Variants in TUG1 observed in about 807,000 individuals in gnomAD.
The protein encoded by TUG1 is taurine up-regulated 1.
At chr22:30,970,015 A>C (rs1454679749) in exon 1 of TUG1, 2 of 152,166 alleles carry the variant, frequency 1.3e-5, no homozygotes, top group East Asian at 3.9e-4. Flanking sequence ...TAAACTATAA[A>C]GCGTGGGTGT....
chr22:30,976,817 GTC>G lies in TUG1; in HGVS notation c.*4350_*4351del, dbSNP rs1455870306. The stretch of plus-strand genomic sequence containing the variant: ...TTGGAAATAGTTTGTTTATATCCTT[GTC>G]TCTCTCTAGGCCAATTGTGATTACA... On this transcript the variant is annotated 3_prime_UTR_variant, in exon 3 of 3. Coordinates refer to ENST00000644773, the Ensembl canonical transcript of TUG1. The G allele has an allele frequency of 2.0e-5, 3 of 152,158 alleles. No individual in the cohort carries two copies. In the East Asian group the frequency reaches 5.8e-4, roughly 29 times the overall value. The allele number at this position is 152,158 out of a possible 1,614,324, so 9.4% of individuals were successfully genotyped here.
At chr22:30,973,412 C>T (rs2041252833) in exon 2 of TUG1, 2 of 152,232 alleles carry the variant, frequency 1.3e-5, no homozygotes, top group Non-Finnish European at 1.5e-5. Flanking sequence ...CATATTCTGA[C>T]CCATTGGGAT....
exon 3 of TUG1, chr22:30,978,316 CTT>C (rs1167386905): frequency 2.6e-5 from 4 of 152,148 alleles, no homozygotes; most frequent in Non-Finnish European, 5.9e-5. Flanking sequence ...ACAGGACAAA[CTT>C]ATCTCTCATG....
At chr22:30,977,837 GT>G (rs2147373421) in exon 3 of TUG1, 1 of 152,272 alleles carries the variant, frequency 6.6e-6, no homozygotes, top group South Asian at 2.1e-4. Context: ...AGGACTCAAT[GT>G]TCACAACAGG....
intron 2 of TUG1, chr22:30,974,816 TGGGAA>T (rs1188352101): frequency 6.6e-6 from 1 of 152,152 alleles, no homozygotes; most frequent in African/African-American, 2.4e-5. Flanking sequence ...TTAAGGAGGT[TGGGAA>T]GGGGAGAAAA....
chr22:30,974,348 A>G (rs1426825527), intron 2 of TUG1: 1 of 52,650 alleles, frequency 1.9e-5, no homozygotes, highest in African/African-American at 1.1e-4. Flanking sequence ...CAGAAGTCTG[A>G]AAAAAAAAAA....
exon 1 of TUG1, chr22:30,970,785 G>A (rs1246181814): frequency 2.0e-5 from 3 of 152,326 alleles, no homozygotes; most frequent in Non-Finnish European, 4.4e-5. Flanking sequence ...GGGCTCACTG[G>A]AAGAGACTGA....
intron 2 of TUG1, chr22:30,973,838 A>G (rs918237800): frequency 2.0e-5 from 3 of 152,164 alleles, no homozygotes; most frequent in Non-Finnish European, 4.4e-5. Context: ...CACAGTGTTA[A>G]AATGGCTGGG....
At chr22:30,972,048 A>T (rs1300380631) in intron 1 of TUG1, 1 of 152,238 alleles carries the variant, frequency 6.6e-6, no homozygotes, top group Admixed American at 6.5e-5. Flanking sequence ...GTCTTTGCAG[A>T]TAGCAGACTC....
chr22:30,978,333 T>C (rs1366670530), exon 3 of TUG1: 1 of 152,206 alleles, frequency 6.6e-6, no homozygotes, highest in East Asian at 1.9e-4. Flanking sequence ...CTCATGGTGT[T>C]TTTTTAGAAT....
At chr22:30,973,072 C>A (rs1433362928) in exon 2 of TUG1, 1 of 152,728 alleles carries the variant, frequency 6.5e-6, no homozygotes, top group Admixed American at 6.5e-5. Context: ...CTTGTTCTAC[C>A]CAGATTCAGC....
chr22:30,970,548 T>C (rs2041217377), exon 1 of TUG1: 1 of 152,236 alleles, frequency 6.6e-6, no homozygotes, highest in African/African-American at 2.4e-5. Context: ...GCATCCTATT[T>C]AAATAAGCCT....
exon 3 of TUG1, chr22:30,979,256 A>C (rs1197388357): frequency 6.6e-6 from 1 of 152,224 alleles, no homozygotes; most frequent in Non-Finnish European, 1.5e-5. Flanking sequence ...TTATAAATGC[A>C]TAGAAAGGTC....
exon 3 of TUG1, chr22:30,975,271 A>G (rs1200745013): frequency 6.6e-6 from 1 of 152,190 alleles, no homozygotes; most frequent in African/African-American, 2.4e-5. Flanking sequence ...AGTAAAAGTG[A>G]AGCTGCTCTG....
In TUG1 at chr22:30,971,963, G is replaced by C. The variant is rs144820952; in HGVS notation, c.*1961+184G>C. The C allele has an allele frequency of 3.0e-4, 45 of 152,290 alleles. 1 individual carries two copies. Among genetic ancestry groups the C allele is most frequent in the African/African-American group, 1.1e-3 (44 of 41,550 alleles). 9.4% of individuals were successfully genotyped at this position (152,290 alleles called of 1,614,324 possible). On this transcript the variant is annotated intron_variant, in intron 1 of 2. Coordinates refer to ENST00000644773, the Ensembl canonical transcript of TUG1. ...TAACTAGCCAGAATAGAGCTTTAAA[G>C]TTTTATGACATTTCGTTATGTATCC...
chr22:30,974,437 T>A (rs185264437), intron 2 of TUG1: 1 of 152,298 alleles, frequency 6.6e-6, no homozygotes, highest in Non-Finnish European at 1.5e-5. Flanking sequence ...GAAGGATATT[T>A]TTTTGCATCA....
chr22:30,978,577 C>T (rs1330878769), exon 3 of TUG1: 1 of 152,176 alleles, frequency 6.6e-6, no homozygotes, highest in Admixed American at 6.5e-5. Flanking sequence ...ACATGTAATT[C>T]AGACCTCATC....
chr22:30,976,740 A>G (rs1174325921), exon 3 of TUG1: 1 of 152,194 alleles, frequency 6.6e-6, no homozygotes, highest in Non-Finnish European at 1.5e-5. Context: ...CTTCCCAGTC[A>G]ATTTAAAGGC....
chr22:30,975,185 T>G (rs1209883897), exon 3 of TUG1: 1 of 152,238 alleles, frequency 6.6e-6, no homozygotes, highest in Non-Finnish European at 1.5e-5. Flanking sequence ...TGTGACCGAC[T>G]TATTCTTAGA....
Sources: allele counts gnomAD v4.1 joint callset, GRCh38; gene constraint gnomAD v4.1.1; transcripts MANE v1.5; gene names NCBI Gene and HGNC (gene_info 2026-07-23, HGNC 2026-07-21).